GRM7: variants seen among roughly 807,000 people sequenced by gnomAD.
GRM7 encodes glutamate metabotropic receptor 7, also known as metabotropic glutamate receptor 7.
In GRM7, 35 loss-of-function variants were observed where a neutral mutation model predicts 84.5. The ratio of observed to expected loss-of-function variants is 0.41; its 90% confidence interval spans 0.32 to 0.55. The LOEUF is 0.55. GRM7 is among the 20% of genes least tolerant of loss of function. The pLI is 0.19. For missense variants in GRM7, 1,003 were observed against 1,194.6 expected, an observed-to-expected ratio of 0.84 and a Z score of 2.36; for synonymous variants, 487 against 455.1, an observed-to-expected ratio of 1.07 and a Z score of -0.89.
rs574360318 is a variant in GRM7, at chr3:6,893,241, A to G, written c.519+31334A>G. Among the ~76,000 whole-genome samples, 420 of 152,290 alleles carry G rather than the reference A, an allele frequency of 2.8e-3. 3 individuals carry two copies. The highest frequency in any genetic ancestry group is 4.5e-3 in the Non-Finnish European group (306 of 68,018). ...TGAATTATATTGTGTGAGCAGAGCC[A>G]CTTACCTATTTCTGGCATATTGTAA... On this transcript the variant is annotated intron_variant, in intron 1 of 9. Coordinates refer to ENST00000357716, the MANE Select transcript of GRM7 (RefSeq NM_000844.4).
intron 4 of GRM7, among the ~76,000 whole-genome samples, chr3:7,386,553 G>T (rs535350249): frequency 2.0e-5 from 3 of 152,186 alleles, no homozygotes; most frequent in South Asian, 4.1e-4. Context: ...GTATTAATTC[G>T]CTTAGGATAC....
chr3:7,452,792 A>G lies in GRM7; in HGVS notation c.1360A>G (p.Asn454Asp), dbSNP rs1202732215. 9 of 1,609,704 alleles carry G rather than the reference A, an allele frequency of 5.6e-6. No individual in the cohort carries two copies. Among genetic ancestry groups the G allele is most frequent in the South Asian group, 1.1e-5 (1 of 90,934 alleles). ...CAAGAAGTTGCTGAAGTATATACGC[A>G]ATGTTAATTTCAATGGTGAGTCTCC... ...GGKKLLKYIRNVNFNGSAGTP... is the reference protein window; with the variant it reads ...GGKKLLKYIRDVNFNGSAGTP... The change falls in exon 6 of 10, where the codon AAT (asparagine) becomes GAT (aspartate). Residue 454 changes from asparagine (N) to aspartate (D), a missense_variant. Physicochemically the swap from Asn to Asp is conservative, Grantham distance 23 (BLOSUM62 1). Coordinates refer to ENST00000357716, the MANE Select transcript of GRM7 (RefSeq NM_000844.4).
At chr3:7,594,439 A>G (rs73809450) in intron 8 of GRM7, among the ~76,000 whole-genome samples, 8,544 of 152,170 alleles carry the variant, frequency 0.056, 690 homozygotes, top group African/African-American at 0.17. Context: ...GCTAGGTACT[A>G]GGGATAGGAA....
intron 8 of GRM7, among the ~76,000 whole-genome samples, chr3:7,628,098 G>T (rs890944012): frequency 1.6e-4 from 25 of 152,032 alleles, no homozygotes; most frequent in African/African-American, 5.6e-4. Context: ...GAACTTCAAA[G>T]CACAGCTCTC....
chr3:7,548,070 G>A (rs1305244106), intron 7 of GRM7, among the ~76,000 whole-genome samples: 2 of 152,230 alleles, frequency 1.3e-5, no homozygotes, highest in Non-Finnish European at 2.9e-5. Flanking sequence ...GCACCCAAGA[G>A]TATAACTGCT....
At chr3:7,109,746 C>G (rs187160998) in intron 1 of GRM7, among the ~76,000 whole-genome samples, 2 of 152,196 alleles carry the variant, frequency 1.3e-5, no homozygotes, top group Admixed American at 1.3e-4. Context: ...ACATTTCCAT[C>G]TGTATATTTC....
At chr3:6,901,600 C>T (rs1459903758) in intron 1 of GRM7, among the ~76,000 whole-genome samples, 2 of 51,788 alleles carry the variant, frequency 3.9e-5, no homozygotes, top group Non-Finnish European at 3.5e-5. Context: ...AGCAAGACTC[C>T]GTCTAAAAAA....
chr3:6,984,239 C>A (rs1694314442), intron 1 of GRM7, among the ~76,000 whole-genome samples: 1 of 152,140 alleles, frequency 6.6e-6, no homozygotes, highest in African/African-American at 2.4e-5. Flanking sequence ...GCTGTAAAGT[C>A]ATGAGTTCAA....
At chr3:7,237,249 G>A (rs1361610912) in intron 2 of GRM7, among the ~76,000 whole-genome samples, 1 of 152,162 alleles carries the variant, frequency 6.6e-6, no homozygotes, top group East Asian at 1.9e-4. Context: ...TTCTGATGTT[G>A]AATTTCAGCA....
intron 2 of GRM7, among the ~76,000 whole-genome samples, chr3:7,297,769 C>A (rs187957333): frequency 1.1e-4 from 16 of 152,278 alleles, no homozygotes; most frequent in Admixed American, 2.0e-4. Context: ...GCCCCTGGGT[C>A]TTGTGCCCCT....
intron 4 of GRM7, among the ~76,000 whole-genome samples, chr3:7,382,635 A>G (rs1694634151): frequency 6.6e-6 from 1 of 152,258 alleles, no homozygotes; most frequent in Non-Finnish European, 1.5e-5. Context: ...TTGAATAAAA[A>G]GGGAAAACAA....
chr3:6,892,140 T>G (rs1345663304), intron 1 of GRM7, among the ~76,000 whole-genome samples: 1 of 152,122 alleles, frequency 6.6e-6, no homozygotes, highest in East Asian at 1.9e-4. Flanking sequence ...TCGTCTAAAT[T>G]TTTTTCTCTT....
chr3:7,570,984 C>A (rs1170135483), intron 7 of GRM7, among the ~76,000 whole-genome samples: 2 of 152,174 alleles, frequency 1.3e-5, no homozygotes, highest in Non-Finnish European at 2.9e-5. Flanking sequence ...CCCTCTGAAG[C>A]CATGGCCTGA....
At chr3:6,899,239 T>C (rs1696302613) in intron 1 of GRM7, among the ~76,000 whole-genome samples, 1 of 152,172 alleles carries the variant, frequency 6.6e-6, no homozygotes, top group African/African-American at 2.4e-5. Context: ...TATCTATTTC[T>C]ATAGGGAAGA....
chr3:7,352,050 A>ACACACAC (rs1367771813), intron 4 of GRM7, among the ~76,000 whole-genome samples: 35 of 114,364 alleles, frequency 3.1e-4, no homozygotes, highest in African/African-American at 1.1e-3. Context: ...TCACACACAC[A>ACACACAC]CACACACCAC....
intron 1 of GRM7, among the ~76,000 whole-genome samples, chr3:6,883,827 C>T (rs1323998513): frequency 6.6e-6 from 1 of 152,154 alleles, no homozygotes; most frequent in Non-Finnish European, 1.5e-5. Flanking sequence ...ATCCAGTCAG[C>T]CCAGCCAACA....
chr3:7,216,756 T>C (rs1173939180), intron 2 of GRM7, among the ~76,000 whole-genome samples: 1 of 138,482 alleles, frequency 7.2e-6, no homozygotes, highest in Non-Finnish European at 1.6e-5. Context: ...CTGTTTAAGG[T>C]TTGTTTTTGT....
chr3:7,526,035 A>G (rs1700794540), intron 7 of GRM7, among the ~76,000 whole-genome samples: 1 of 152,116 alleles, frequency 6.6e-6, no homozygotes, highest in Admixed American at 6.6e-5. Context: ...TTTTGATAGC[A>G]TGATTTATTT....
rs181971454 is a variant in GRM7, at chr3:6,909,730, G to A, written c.519+47823G>A. Among the ~76,000 whole-genome samples the A allele has an allele frequency of 8.1e-3, 1,229 of 152,084 alleles. 11 individuals are homozygous for A. The highest frequency in any genetic ancestry group is 0.013 in the Non-Finnish European group (868 of 67,980). Reference sequence around the variant, plus strand: ...ATGACATTCTTTCCCTTTGGGTCTAGACTCGATATCAGGATCCTTCTGCAC... The same window carrying A: ...ATGACATTCTTTCCCTTTGGGTCTAAACTCGATATCAGGATCCTTCTGCAC... On this transcript the variant is annotated intron_variant, in intron 1 of 9. Coordinates refer to ENST00000357716, the MANE Select transcript of GRM7 (RefSeq NM_000844.4).
Sources: gnomAD v4.1 joint callset for allele counts (sites outside exome capture counted in the v4.1 genomes callset) on GRCh38, gnomAD v4.1.1 for gene constraint, MANE v1.5 for transcripts, NCBI Gene and HGNC (gene_info 2026-07-23, HGNC 2026-07-21) for gene names.